The following SAMD4A variants were observed in gnomAD, a reference collection of about 807,000 sequenced individuals.
SAMD4A encodes protein Smaug homolog 1.
In SAMD4A, 33 loss-of-function variants were observed where a neutral mutation model predicts 81.3. That is an observed-to-expected ratio of 0.41 (90% CI 0.31 to 0.54). The LOEUF is 0.54. Ranked by LOEUF, SAMD4A falls within the 20% of genes least tolerant of loss-of-function variation. The pLI, the probability that SAMD4A is intolerant of heterozygous loss-of-function variation, is 0.37. For missense variants in SAMD4A, 854 were observed against 951.1 expected, an observed-to-expected ratio of 0.90 and a Z score of 1.34; for synonymous variants, 389 against 382.1, an observed-to-expected ratio of 1.02 and a Z score of -0.21.
intron 2 of SAMD4A, among the ~76,000 whole-genome samples, chr14:54,577,122 G>C (rs1291227995): frequency 6.6e-6 from 1 of 152,248 alleles, no homozygotes; most frequent in Non-Finnish European, 1.5e-5. Context: ...GGGATCCTCT[G>C]AGGAGCCACA....
chr14:54,775,124 CAAGG>C lies in SAMD4A; in HGVS notation c.1910_1913del (p.Gly637AspfsTer39). Reference sequence around the variant, plus strand: ...CACAGCTACCCCCACCATCATGAAACAAGGAAGACAGGTTTGTTCTGCCCCAAGG... The same window carrying C: ...CACAGCTACCCCCACCATCATGAAACAAGACAGGTTTGTTCTGCCCCAAGG... On this transcript the variant is annotated frameshift_variant, in exon 10 of 13. Coordinates refer to ENST00000554335, the MANE Select transcript of SAMD4A (RefSeq NM_015589.6). LOFTEE classifies it high-confidence loss of function. The C allele has an allele frequency of 6.2e-7, 1 of 1,614,208 alleles. No individual in the cohort carries two copies. The highest frequency in any genetic ancestry group is 8.5e-7 in the Non-Finnish European group (1 of 1,180,038).
intron 2 of SAMD4A, among the ~76,000 whole-genome samples, chr14:54,571,856 T>A (rs1397219500): frequency 6.6e-6 from 1 of 152,214 alleles, no homozygotes; most frequent in African/African-American, 2.4e-5. Context: ...ACCCCATATT[T>A]GTGTAAACTT....
chr14:54,727,100 A>T (rs985257518), intron 3 of SAMD4A, among the ~76,000 whole-genome samples: 1 of 150,280 alleles, frequency 6.7e-6, no homozygotes, highest in Non-Finnish European at 1.5e-5. Context: ...TTAATGTTGA[A>T]CTCACAACAA....
chr14:54,609,260 A>G (rs2034296568), intron 2 of SAMD4A, among the ~76,000 whole-genome samples: 1 of 152,244 alleles, frequency 6.6e-6, no homozygotes, highest in African/African-American at 2.4e-5. Flanking sequence ...ATACTCAGCC[A>G]GCCACTGCTG....
At chr14:54,577,499 G>C (rs1468677470) in intron 2 of SAMD4A, among the ~76,000 whole-genome samples, 1 of 152,240 alleles carries the variant, frequency 6.6e-6, no homozygotes, top group African/African-American at 2.4e-5. Context: ...AAGCATTAAA[G>C]TGTAGCCCCT....
intron 2 of SAMD4A, among the ~76,000 whole-genome samples, chr14:54,660,231 A>G (rs954923122): frequency 2.6e-5 from 4 of 152,142 alleles, no homozygotes; most frequent in African/African-American, 2.4e-5. Flanking sequence ...TCATCCTCAT[A>G]GGAACATGGG....
At chr14:54,739,122 A>G (rs937740018) in intron 4 of SAMD4A, among the ~76,000 whole-genome samples, 51 of 129,052 alleles carry the variant, frequency 4.0e-4, no homozygotes, top group African/African-American at 1.5e-3. Context: ...AGGTCAAGGT[A>G]TGCTCATTGA....
At chr14:54,568,293 C>G (rs2033011533) in intron 2 of SAMD4A, among the ~76,000 whole-genome samples, 181 bp downstream of exon 2, 1 of 152,026 alleles carries the variant, frequency 6.6e-6, no homozygotes, top group African/African-American at 2.4e-5. Flanking sequence ...CGCCCCCCAC[C>G]TACTTACCTC....
chr14:54,778,465 A>AATACAGAAGTGCTGTGAGC (rs1302209428), intron 11 of SAMD4A, among the ~76,000 whole-genome samples: 17 of 152,204 alleles, frequency 1.1e-4, no homozygotes, highest in Non-Finnish European at 1.9e-4. Context: ...AGAATCAAAT[A>AATACAGAAGTGCTGTGAGC]ATACAGAAGT....
At position 54,707,717 on chromosome 14, in the gene SAMD4A, G is replaced by A. The variant is rs142778859; in HGVS notation, c.715+5137G>A. ...TGAGAAAGTGGGGTGTGAGCAGAGA[G>A]TTGAAGGAGTGGAAGTTAGCCAAGT... On this transcript the variant is annotated intron_variant, in intron 3 of 12. Coordinates refer to ENST00000554335, the MANE Select transcript of SAMD4A (RefSeq NM_015589.6). 1.5e-3 allele frequency among the ~76,000 whole-genome samples: 228 copies of A among 152,210 alleles called. 3 individuals carry two copies. The highest frequency in any genetic ancestry group is 2.6e-3 in the Non-Finnish European group (176 of 68,022).
chr14:54,588,326 C>A (rs377333560), intron 2 of SAMD4A, among the ~76,000 whole-genome samples: 160 of 152,072 alleles, frequency 1.1e-3, no homozygotes, highest in African/African-American at 1.7e-3. Context: ...TTTCAAAGAA[C>A]CAGCTTTTTG....
Position 54,567,661 on chromosome 14 carries a change from T to C in SAMD4A, c.-256T>C, listed in dbSNP as rs2032979778. On this transcript the variant is annotated 5_prime_UTR_variant, in exon 2 of 13. Transcript: ENST00000554335. ...GTGGGGGATTTTTAAAAAGTCGTTT[T>C]TTTTTTTAAAGAAACATTTCCGTGC... The C allele has an allele frequency of 6.4e-6, 3 of 469,920 alleles. No individual in the cohort carries two copies. Among genetic ancestry groups the C allele is most frequent in the Non-Finnish European group, 1.1e-5 (3 of 268,368 alleles). The allele number at this position is 469,920 out of a possible 1,614,324, so 29.1% of individuals were successfully genotyped here.
In SAMD4A at chr14:54,680,696, A is replaced by G. The variant is rs1375048050; in HGVS notation, c.197-21366A>G. ...GCTTAAAGAAACCAGCATCACTGGT[A>G]GTTAAGCGGTTTATATTTTTACTGT... On this transcript the variant is annotated intron_variant, in intron 2 of 12. Coordinates refer to ENST00000554335, the MANE Select transcript of SAMD4A (RefSeq NM_015589.6). 3.3e-5 allele frequency among the ~76,000 whole-genome samples: 5 copies of G among 152,362 alleles called. No individual in the cohort carries two copies. The East Asian group carries it at 7.7e-4, about 23-fold the overall frequency.
chr14:54,691,348 C>G (rs1278098424), intron 2 of SAMD4A, among the ~76,000 whole-genome samples: 1 of 152,142 alleles, frequency 6.6e-6, no homozygotes, highest in Non-Finnish European at 1.5e-5. Context: ...GGGCCCTCAT[C>G]TGATCAGTCC....
rs201082242 is a variant in SAMD4A, at chr14:54,681,003, TC to T, written c.197-21057del. Reference sequence around the variant, plus strand: ...TTAAACTATTATTAAATTTCTAATGTCCGTCAAGGTTTAGATTCCTTTGTAA... The same window carrying T: ...TTAAACTATTATTAAATTTCTAATGTCGTCAAGGTTTAGATTCCTTTGTAA... On this transcript the variant is annotated intron_variant, in intron 2 of 12. Transcript: ENST00000554335. Among the ~76,000 whole-genome samples, 1,325 of 152,352 alleles carry T rather than the reference TC, an allele frequency of 8.7e-3. 8 individuals are homozygous for T. The highest frequency in any genetic ancestry group is 0.016 in the Admixed American group (238 of 15,310).
chr14:54,604,193 G>A (rs977089442), intron 2 of SAMD4A, among the ~76,000 whole-genome samples: 2 of 152,180 alleles, frequency 1.3e-5, no homozygotes, highest in African/African-American at 4.8e-5. Flanking sequence ...GGTAGAATTA[G>A]CCATTGGCTC....
chr14:54,636,679 G>T (rs2035042593), intron 2 of SAMD4A, among the ~76,000 whole-genome samples: 1 of 152,134 alleles, frequency 6.6e-6, no homozygotes, highest in Non-Finnish European at 1.5e-5. Context: ...TGGATTTCCT[G>T]ACAACAGAAT....
intron 7 of SAMD4A, 87 bp downstream of exon 7, chr14:54,760,581 A>C (rs914668204): frequency 1.5e-5 from 20 of 1,354,106 alleles, no homozygotes; most frequent in Non-Finnish European, 1.8e-5. Flanking sequence ...TGGGTGCTGG[A>C]TAAATTCCCT....
chr14:54,650,867 C>T (rs1353185988), intron 2 of SAMD4A, among the ~76,000 whole-genome samples: 1 of 152,202 alleles, frequency 6.6e-6, no homozygotes, highest in Admixed American at 6.5e-5. Flanking sequence ...TTTCAGCGTT[C>T]TTTACTTGCT....
Sources: gnomAD v4.1 joint callset for allele counts (sites outside exome capture counted in the v4.1 genomes callset) on GRCh38, gnomAD v4.1.1 for gene constraint, MANE v1.5 for transcripts, NCBI Gene and HGNC (gene_info 2026-07-23, HGNC 2026-07-21) for gene names.